TP53BP2: variants seen among roughly 807,000 people sequenced by gnomAD.
The protein encoded by TP53BP2 is tumor protein p53 binding protein 2.
TP53BP2 carries 62 observed loss-of-function variants against 126.2 expected under a neutral mutation model. That is an observed-to-expected ratio of 0.49 (90% confidence interval 0.40 to 0.61). The LOEUF (loss-of-function observed/expected upper bound fraction) is 0.61, where lower values mean the gene tolerates loss of function less well. TP53BP2 is among the 20% of genes least tolerant of loss of function. TP53BP2 has a pLI of 0.00. For synonymous variants in TP53BP2, 485 were observed against 502.9 expected (o/e 0.96, Z 0.48); for missense variants, 1,215 against 1,402.8 (o/e 0.87, Z 2.14).
intron 1 of TP53BP2, chr1:223,845,271 G>C (rs1035202053): frequency 2.7e-5 from 27 of 984,796 alleles, no homozygotes; most frequent in Middle Eastern, 5.2e-4. Context: ...CCAGTAAAAA[G>C]TAAAAAGACA....
At chr1:223,845,454 C>A (rs930717340) in intron 1 of TP53BP2, among the ~76,000 whole-genome samples, 200 bp downstream of exon 1, 2 of 152,204 alleles carry the variant, frequency 1.3e-5, no homozygotes, top group Non-Finnish European at 2.9e-5. Context: ...GCCGCGCCCC[C>A]ACGACGGCTG....
Position 223,810,459 on chromosome 1 carries a change from G to A in TP53BP2, c.344C>T (p.Pro115Leu). The change falls in exon 4 of 18, where the codon CCT (proline) becomes CTT (leucine). Residue 115 changes from proline to leucine, a missense_variant. Pro to Leu is a moderately conservative substitution (Grantham distance 98). Around this residue, in one of 4 missense-constraint regions of TP53BP2, gnomAD observed 814 missense variants for 853.0 expected, o/e 0.95. Transcript: ENST00000343537. ...GTTCTCCTTTCTTCGATATTCACCA[G>A]GAACTTTTACACCATTTCTTTTTAA... is the stretch of plus-strand genomic sequence containing the variant. Reference protein sequence around the residue: ...PSLKRNGVKVPGEYRRKENGV... With the variant: ...PSLKRNGVKVLGEYRRKENGV... 1 of 1,610,214 alleles carries A rather than the reference G, an allele frequency of 6.2e-7. No individual in the cohort carries two copies.
intron 12 of TP53BP2, among the ~76,000 whole-genome samples, chr1:223,797,128 G>A (rs1180121714): frequency 7.9e-6 from 1 of 125,896 alleles, no homozygotes; most frequent in African/African-American, 4.9e-5. Context: ...AAAGACCCAT[G>A]AAAAGAAGAG....
intron 1 of TP53BP2, among the ~76,000 whole-genome samples, chr1:223,825,489 T>G (rs1663459977): frequency 6.6e-6 from 1 of 152,208 alleles, no homozygotes; most frequent in South Asian, 2.1e-4. Context: ...TCATCTCACC[T>G]GATTTATTTT....
chr1:223,819,978 A>C (rs980220192), intron 2 of TP53BP2, among the ~76,000 whole-genome samples: 34 of 152,338 alleles, frequency 2.2e-4, no homozygotes, highest in Middle Eastern at 3.4e-3. Context: ...TAATAAACAC[A>C]CACAAAGAGT....
At chr1:223,821,574 G>C (rs1663311147) in intron 1 of TP53BP2, 3 of 734,814 alleles carry the variant, frequency 4.1e-6, no homozygotes, top group Non-Finnish European at 7.5e-6. Flanking sequence ...AGTAGCTCTA[G>C]AACCCTTGGT....
At chr1:223,808,014 T>C (rs1170962316) in intron 4 of TP53BP2, among the ~76,000 whole-genome samples, 29 of 152,180 alleles carry the variant, frequency 1.9e-4, no homozygotes, top group Non-Finnish European at 4.1e-4. Flanking sequence ...TTACACTACC[T>C]GACTTCAAGA....
At chr1:223,798,944 C>A (rs573489376) in intron 11 of TP53BP2, among the ~76,000 whole-genome samples, 2 of 152,016 alleles carry the variant, frequency 1.3e-5, no homozygotes, top group Non-Finnish European at 1.5e-5. Context: ...TGGTGGCGGG[C>A]GCCTGTAGTC....
intron 13 of TP53BP2, among the ~76,000 whole-genome samples, 180 bp downstream of exon 13, chr1:223,795,635 A>G (rs1662290318): frequency 6.6e-6 from 1 of 152,186 alleles, no homozygotes; most frequent in Admixed American, 6.5e-5. Context: ...GTTCTCTCTA[A>G]AACAGAAAAA....
At position 223,796,262 on chromosome 1, in the gene TP53BP2, T is replaced by A. The variant is rs767821077; in HGVS notation, c.2277A>T (p.Leu759Phe). Residue 759 changes from leucine to phenylalanine, a missense_variant, in exon 13 of 18, where the codon TTA becomes TTT. Transcript: ENST00000343537. The surrounding 1 kb of genome is among the most constrained non-coding windows in gnomAD (Gnocchi z 4.2). The stretch of plus-strand genomic sequence containing the variant: ...TGGCCGCTATGGTGGTCCTCTGATA[T>A]AAAAGCTTCTGAATATTTGGCCCAT... ...GPNGPNIQKL[L>F]YQRTTIAAME... 6.2e-7 allele frequency: 1 copy of A among 1,614,084 alleles called. No homozygotes were observed. Among genetic ancestry groups the A allele is most frequent in the Non-Finnish European group, 8.5e-7 (1 of 1,180,000 alleles).
At chr1:223,809,121 T>C (rs1662824501) in intron 4 of TP53BP2, among the ~76,000 whole-genome samples, 1 of 152,164 alleles carries the variant, frequency 6.6e-6, no homozygotes, top group African/African-American at 2.4e-5. Flanking sequence ...TTGCCCAGGC[T>C]AGCCTCAAAC....
At chr1:223,789,494 G>A (rs987831917) in intron 15 of TP53BP2, among the ~76,000 whole-genome samples, 1 of 152,220 alleles carries the variant, frequency 6.6e-6, no homozygotes, top group Non-Finnish European at 1.5e-5. Flanking sequence ...CATGGATTTA[G>A]TTCTATGTCC....
chr1:223,789,361 A>C (rs906085569), intron 15 of TP53BP2, among the ~76,000 whole-genome samples, 187 bp from the exon 16 acceptor site: 10 of 152,256 alleles, frequency 6.6e-5, no homozygotes, highest in African/African-American at 2.4e-4. Flanking sequence ...ACAGCCACAA[A>C]TGAAAATTTC....
At chr1:223,813,505 C>A (rs1662983858) in intron 3 of TP53BP2, among the ~76,000 whole-genome samples, 1 of 152,178 alleles carries the variant, frequency 6.6e-6, no homozygotes, top group African/African-American at 2.4e-5. Flanking sequence ...GTCTTCACTT[C>A]TTCCCCACCC....
Position 223,813,603 on chromosome 1 carries a change from A to G in TP53BP2, c.289+637T>C, listed in dbSNP as rs1296400999. Among the ~76,000 whole-genome samples, 3 of 152,206 alleles carry G rather than the reference A, an allele frequency of 2.0e-5. No homozygotes were observed. In the East Asian group the frequency reaches 5.8e-4, roughly 29 times the overall value. On this transcript the variant is annotated intron_variant, in intron 3 of 17. Transcript: ENST00000343537. ...TGTCTAGAAACCTTGGGTTTTCTAG[A>G]CAATTGCCTAGAAAAATTTGTCTAG...
chr1:223,783,509 C>G (rs980726984), intron 17 of TP53BP2, among the ~76,000 whole-genome samples: 4 of 152,216 alleles, frequency 2.6e-5, no homozygotes, highest in Non-Finnish European at 4.4e-5. Flanking sequence ...CTTGCACACA[C>G]ACAACTGCTA....
intron 1 of TP53BP2, among the ~76,000 whole-genome samples, chr1:223,842,300 T>G (rs1664126891): frequency 6.6e-6 from 1 of 152,234 alleles, no homozygotes; most frequent in East Asian, 1.9e-4. Flanking sequence ...TTGACTGCAT[T>G]GTCATACAGT....
intron 12 of TP53BP2, among the ~76,000 whole-genome samples, chr1:223,797,841 T>C (rs1014185868): frequency 6.6e-6 from 1 of 152,042 alleles, no homozygotes; most frequent in Admixed American, 6.5e-5. Context: ...TCTCTATATG[T>C]ATATACACAC....
chr1:223,824,918 T>C (rs1663435709), intron 1 of TP53BP2, among the ~76,000 whole-genome samples: 2 of 151,844 alleles, frequency 1.3e-5, no homozygotes, highest in Admixed American at 1.3e-4. Context: ...ATGCGCTTCT[T>C]TGTATGCCAG....
Sources: allele counts gnomAD v4.1 joint callset (sites outside exome capture counted in the v4.1 genomes callset), GRCh38; gene constraint gnomAD v4.1.1; regional missense constraint gnomAD v4.1.1; non-coding constraint Gnocchi (gnomAD v3.1); transcripts MANE v1.5; gene names NCBI Gene and HGNC (gene_info 2026-07-23, HGNC 2026-07-21).